LMF1: variants seen among roughly 807,000 people sequenced by gnomAD.
The protein encoded by LMF1 is lipase maturation factor 1.
Under a neutral mutation model 60.6 loss-of-function variants are expected in LMF1, and 68 were observed. The observed-to-expected ratio is 1.12, with a 90% CI of 0.92 to 1.37. LMF1 has a LOEUF of 1.37. Among genes scored for constraint, LMF1 ranks in the 40% most tolerant of loss-of-function variants. The probability of loss-of-function intolerance (pLI) is 0.00; values close to 1 mark genes in which losing one functional copy is unlikely to be tolerated. For synonymous variants in LMF1, 418 were observed against 324.7 expected, an observed-to-expected ratio of 1.29 and a Z score of -3.09; for missense variants, 948 against 767.2, an observed-to-expected ratio of 1.24 and a Z score of -2.78.
intron 4 of LMF1, among the ~76,000 whole-genome samples, chr16:898,340 C>T (rs540703752): frequency 2.5e-4 from 38 of 152,364 alleles, no homozygotes; most frequent in Middle Eastern, 3.4e-3. Context: ...ACAGTCGGGC[C>T]GCCGCAGAGC....
chr16:854,816 A>G, intron 10 of LMF1, 110 bp from the exon 11 acceptor site: 3 of 1,048,516 alleles, frequency 2.9e-6, no homozygotes, highest in Admixed American at 2.0e-5. Flanking sequence ...CCACGGACAG[A>G]GGGGCTGCAT....
intron 6 of LMF1, chr16:871,634 C>A: frequency 2.6e-6 from 1 of 387,278 alleles, no homozygotes; most frequent in South Asian, 3.6e-5. Flanking sequence ...GGGGCTGGAC[C>A]AGACCACCAG....
chr16:912,807 T>C (rs904316598), intron 3 of LMF1, among the ~76,000 whole-genome samples: 25 of 152,224 alleles, frequency 1.6e-4, no homozygotes, highest in Non-Finnish European at 2.9e-5. Context: ...CTTGAGGAAT[T>C]CCAGCAGCTG....
In LMF1 at chr16:870,834, G is replaced by A. The variant is rs953926077; in HGVS notation, c.1127C>T (p.Ala376Val). The A allele has an allele frequency of 3.1e-6, 5 of 1,612,068 alleles. No homozygotes were observed. The highest frequency in any genetic ancestry group is 3.4e-6 in the Non-Finnish European group (4 of 1,179,780). Reference protein sequence around the residue: ...AANVSLGVLLAWLSVPVVLNL... With the variant: ...AANVSLGVLLVWLSVPVVLNL... ...GAGGACCACGGGCACGCTGAGCCAG[G>A]CCAGCAGGACGCCCAGCGAGACGTT... Residue 376 changes from alanine (A) to valine (V), a missense_variant, in exon 8 of 11, where the codon GCC becomes GTC. By Grantham distance (64) the Ala-to-Val change is moderately conservative (BLOSUM62 0). Coordinates refer to ENST00000262301, the MANE Select transcript of LMF1 (RefSeq NM_022773.4).
chr16:912,942 C>T (rs1183399796), intron 3 of LMF1, among the ~76,000 whole-genome samples: 1 of 152,232 alleles, frequency 6.6e-6, no homozygotes, highest in Non-Finnish European at 1.5e-5. Flanking sequence ...CCAGGGCTCT[C>T]CAGACAGCTC....
At chr16:946,852 C>A (rs2072249730) in intron 2 of LMF1, among the ~76,000 whole-genome samples, 1 of 152,208 alleles carries the variant, frequency 6.6e-6, no homozygotes, top group Non-Finnish European at 1.5e-5. Context: ...AGCAGGGGCT[C>A]AGCAAGTATC....
upstream of LMF1, among the ~76,000 whole-genome samples, chr16:974,262 G>A (rs377271812): frequency 1.8e-3 from 268 of 152,240 alleles, 1 homozygote; most frequent in African/African-American, 6.1e-3. Flanking sequence ...GAGCTGCAGC[G>A]GCCGGGAGAT....
At chr16:979,208 AG>A in intron 1 of LMF1, 1 of 415,108 alleles carries the variant, frequency 2.4e-6, no homozygotes, top group Non-Finnish European at 4.9e-6. Flanking sequence ...TCTCAGGCCT[AG>A]TGGCTCACAC....
At chr16:892,184 G>A (rs994588408) in intron 5 of LMF1, among the ~76,000 whole-genome samples, 9 of 152,220 alleles carry the variant, frequency 5.9e-5, no homozygotes, top group Non-Finnish European at 1.3e-4. Flanking sequence ...GGCAGAAAAC[G>A]CAAAGGCAGT....
rs1462482468 is a variant in LMF1, at chr16:876,625, TAAAAC to T, written c.897+2940_897+2944del. Among the ~76,000 whole-genome samples, 5 of 151,684 alleles carry T rather than the reference TAAAAC, an allele frequency of 3.3e-5. No homozygotes were observed. In the South Asian group the frequency reaches 6.2e-4, roughly 19 times the overall value. The stretch of plus-strand genomic sequence containing the variant: ...AAGTGTTCTAAAATAAGTCAATTAA[TAAAAC>T]GAAACAGAGCTGAAACACTGGAGCA... On this transcript the variant is annotated intron_variant, in intron 6 of 10. Coordinates refer to ENST00000262301, the MANE Select transcript of LMF1 (RefSeq NM_022773.4).
upstream of LMF1, among the ~76,000 whole-genome samples, chr16:974,064 T>C (rs2073091905): frequency 6.6e-6 from 1 of 151,748 alleles, no homozygotes; most frequent in Non-Finnish European, 1.5e-5. Flanking sequence ...AGCCCTGCAC[T>C]GGTGTTTCAG....
At chr16:867,205 T>C (rs1419825843) in intron 10 of LMF1, among the ~76,000 whole-genome samples, 2 of 152,234 alleles carry the variant, frequency 1.3e-5, no homozygotes, top group African/African-American at 4.8e-5. Flanking sequence ...CTGGTTCACA[T>C]AAAATAGTTA....
rs184500373 is a variant in LMF1, at chr16:876,260, C to T, written c.897+3310G>A. On this transcript the variant is annotated intron_variant, in intron 6 of 10. Transcript: ENST00000262301. ...GGCCGCGGAGGGCAGGAAGCCAGTC[C>T]GCAAAGGCTGCACAATGCTTCCCAC... 3.8e-3 allele frequency among the ~76,000 whole-genome samples: 574 copies of T among 152,326 alleles called. 5 individuals are homozygous for T. The highest frequency in any genetic ancestry group is 0.017 in the Middle Eastern group (5 of 294).
At chr16:965,242 AC>A (rs1282091242) in intron 1 of LMF1, among the ~76,000 whole-genome samples, 1 of 152,086 alleles carries the variant, frequency 6.6e-6, no homozygotes, top group Non-Finnish European at 1.5e-5. Context: ...TCATGGAGAG[AC>A]TTTCCCAGGT....
At chr16:955,802 A>G (rs1049361951) in intron 1 of LMF1, among the ~76,000 whole-genome samples, 5 of 152,228 alleles carry the variant, frequency 3.3e-5, no homozygotes, top group Non-Finnish European at 7.3e-5. Flanking sequence ...CCATTATGAA[A>G]CACACCCTGA....
chr16:859,109 GAT>G (rs1276583848), intron 10 of LMF1, among the ~76,000 whole-genome samples: 2 of 132,482 alleles, frequency 1.5e-5, no homozygotes, highest in Admixed American at 1.4e-4. Flanking sequence ...GGTGTGCAGT[GAT>G]GTCTCGGGAC....
Position 970,814 on chromosome 16 carries a change from A to G in LMF1, c.167T>C (p.Leu56Pro). Residue 56 changes from leucine to proline, a missense_variant, in exon 1 of 11, where the codon CTC becomes CCC. Coordinates refer to ENST00000262301, the MANE Select transcript of LMF1 (RefSeq NM_022773.4). ...TGTFWLTRIV[L>P]LKALAFVYFV... ...GTACACGAAGGCTAGGGCCTTCAGG[A>G]GCACGATCCGGGTCAGCCAGAAGGT... 1 of 1,542,820 alleles carries G rather than the reference A, an allele frequency of 6.5e-7. No individual in the cohort carries two copies. Among genetic ancestry groups the G allele is most frequent in the Non-Finnish European group, 8.7e-7 (1 of 1,144,204 alleles).
chr16:975,669 C>T (rs913866977), upstream of LMF1: 1 of 391,136 alleles, frequency 2.6e-6, no homozygotes, highest in Admixed American at 3.0e-5. Context: ...ACGCTCCCTG[C>T]TCCCACTTTG....
At chr16:975,696 G>A (rs2073122527), upstream of LMF1, 1 of 423,662 alleles carries the variant, frequency 2.4e-6, no homozygotes, top group African/African-American at 2.0e-5. Flanking sequence ...GTACCCGCCT[G>A]AGGGCATCTT....
Sources: allele counts gnomAD v4.1 joint callset (sites outside exome capture counted in the v4.1 genomes callset), GRCh38; gene constraint gnomAD v4.1.1; transcripts MANE v1.5; gene names NCBI Gene and HGNC (gene_info 2026-07-23, HGNC 2026-07-21).